Variants in UBE2E3 observed in about 807,000 individuals in gnomAD.
UBE2E3 encodes the protein ubiquitin-conjugating enzyme E2 E3.
UBE2E3 carries 5 observed loss-of-function variants against 23.6 expected under a neutral mutation model. That is an observed-to-expected ratio of 0.21 (90% CI 0.11 to 0.44). The LOEUF (loss-of-function observed/expected upper bound fraction) is 0.44, where lower values mean the gene tolerates loss of function less well. Ranked by LOEUF, UBE2E3 falls within the 20% of genes least tolerant of loss-of-function variation. The pLI is 0.99. For synonymous variants in UBE2E3, 78 were observed against 87.5 expected (o/e 0.89, Z 0.60); for missense variants, 81 against 249.8 (o/e 0.32, Z 4.55).
chr2:181,043,819 G>C (rs1686589424), intron 3 of UBE2E3, among the ~76,000 whole-genome samples: 1 of 152,040 alleles, frequency 6.6e-6, no homozygotes, highest in African/African-American at 2.4e-5. Context: ...AATCTGTCAT[G>C]AATATTTCTC....
intron 3 of UBE2E3, among the ~76,000 whole-genome samples, chr2:181,021,712 A>T (rs978019589): frequency 7.8e-6 from 1 of 127,808 alleles, no homozygotes; most frequent in Non-Finnish European, 1.6e-5. Context: ...TATATCTATT[A>T]ATGTCTGTGG....
chr2:180,984,153 G>T (rs999510537), intron 3 of UBE2E3, 60 bp downstream of exon 3: 3 of 1,455,946 alleles, frequency 2.1e-6, no homozygotes, highest in Non-Finnish European at 2.9e-6. Context: ...AGAGATTGAT[G>T]TATTGTCTGG....
chr2:181,053,090 T>A (rs1297151365), intron 3 of UBE2E3, among the ~76,000 whole-genome samples: 3 of 151,816 alleles, frequency 2.0e-5, no homozygotes, highest in Admixed American at 6.6e-5. Flanking sequence ...CAGAATTTCC[T>A]TATTTTTACA....
In UBE2E3 at chr2:180,980,830, C is replaced by A. The variant is rs1421425134; in HGVS notation, c.-169C>A. On this transcript the variant is annotated 5_prime_UTR_variant, in exon 1 of 6. Transcript: ENST00000410062. The surrounding 1 kb of genome is among the most constrained non-coding windows in gnomAD (Gnocchi z 5.5). ...CCGACTTTCAATGTTCCACACTCCC[C>A]GGCCAGAGCCTCCTCGGCTTCTTTT... 1 of 149,586 alleles carries A rather than the reference C, an allele frequency of 6.7e-6. No homozygotes were observed. The highest frequency in any genetic ancestry group is 2.4e-5 in the African/African-American group (1 of 41,162). The allele number at this position is 149,586 out of a possible 1,614,324, so 9.3% of individuals were successfully genotyped here. A position where few individuals can be genotyped will look rare whatever the true frequency, so the allele number is the denominator to read the frequency against.
intron 1 of UBE2E3, 75 bp from the exon 2 acceptor site, chr2:180,981,943 A>G: frequency 1.8e-6 from 2 of 1,104,528 alleles, no homozygotes; most frequent in South Asian, 3.2e-5. Context: ...ATTTTAGATG[A>G]CTAGAAGAAA....
At chr2:181,051,150 G>A (rs537049030) in intron 3 of UBE2E3, among the ~76,000 whole-genome samples, 3 of 151,742 alleles carry the variant, frequency 2.0e-5, no homozygotes, top group African/African-American at 7.2e-5. Context: ...AACAATATGT[G>A]GGATCTTTTT....
intron 3 of UBE2E3, among the ~76,000 whole-genome samples, chr2:181,022,739 CA>C (rs35485120): frequency 8.2e-5 from 12 of 145,668 alleles, no homozygotes; most frequent in Non-Finnish European, 1.1e-4. Context: ...AAACAAAAAA[CA>C]AAAAAAAAAC....
chr2:180,989,709 G>C (rs552670865), intron 3 of UBE2E3, among the ~76,000 whole-genome samples: 4 of 152,236 alleles, frequency 2.6e-5, no homozygotes, highest in Non-Finnish European at 4.4e-5. Flanking sequence ...GTTCAATGCA[G>C]ATAATGTAAT....
intron 3 of UBE2E3, among the ~76,000 whole-genome samples, chr2:181,002,248 A>G (rs62180116): frequency 0.23 from 35,300 of 152,116 alleles, 4,467 homozygotes; most frequent in Non-Finnish European, 0.28. Flanking sequence ...GTACTAGTAC[A>G]CAATTAACAA....
At chr2:181,034,672 A>G (rs977263525) in intron 3 of UBE2E3, among the ~76,000 whole-genome samples, 3 of 145,406 alleles carry the variant, frequency 2.1e-5, no homozygotes, top group African/African-American at 7.4e-5. Context: ...AACTTAAAGT[A>G]TAATAAAAAA....
intron 3 of UBE2E3, chr2:180,987,218 C>A: frequency 9.3e-7 from 1 of 1,074,566 alleles, no homozygotes; most frequent in Non-Finnish European, 1.3e-6. Context: ...ATTTATACAT[C>A]AATGAGAGTC....
chr2:181,044,362 AATAT>A (rs1686607982), intron 3 of UBE2E3, among the ~76,000 whole-genome samples: 2 of 152,154 alleles, frequency 1.3e-5, no homozygotes, highest in Non-Finnish European at 2.9e-5. Context: ...CTAAGCGATA[AATAT>A]ATATAGTTTG....
chr2:181,058,465 A>G (rs1687045439), intron 4 of UBE2E3, among the ~76,000 whole-genome samples: 1 of 151,722 alleles, frequency 6.6e-6, no homozygotes, highest in East Asian at 2.0e-4. Flanking sequence ...TAAATATAAC[A>G]ATTACTTGAA....
chr2:181,022,303 T>G (rs947341828), intron 3 of UBE2E3, among the ~76,000 whole-genome samples: 10 of 152,120 alleles, frequency 6.6e-5, no homozygotes, highest in Admixed American at 3.9e-4. Flanking sequence ...TATCAAACAT[T>G]TAGAAAAATA....
chr2:181,006,699 T>A (rs1432395998), intron 3 of UBE2E3, among the ~76,000 whole-genome samples: 1 of 152,166 alleles, frequency 6.6e-6, no homozygotes, highest in Non-Finnish European at 1.5e-5. Context: ...AGATTTTTTC[T>A]ATATTTTTAT....
intron 3 of UBE2E3, among the ~76,000 whole-genome samples, chr2:181,023,129 G>GC (rs1204063052): frequency 2.0e-5 from 3 of 152,286 alleles, no homozygotes; most frequent in African/African-American, 7.2e-5. Context: ...TTACAGTGGG[G>GC]CCGCGCCCCA....
chr2:181,049,231 C>T (rs1686756982), intron 3 of UBE2E3, among the ~76,000 whole-genome samples: 2 of 151,970 alleles, frequency 1.3e-5, no homozygotes, highest in South Asian at 4.1e-4. Context: ...ATATAAAAAA[C>T]AAGGGATTTA....
At chr2:181,006,559 A>G (rs1229223184) in intron 3 of UBE2E3, among the ~76,000 whole-genome samples, 1 of 152,122 alleles carries the variant, frequency 6.6e-6, no homozygotes, top group Non-Finnish European at 1.5e-5. Flanking sequence ...CATGTTAAAT[A>G]TTAGGAACAT....
At chr2:181,015,320 T>C (rs906287267) in intron 3 of UBE2E3, among the ~76,000 whole-genome samples, 21 of 152,186 alleles carry the variant, frequency 1.4e-4, no homozygotes, top group Non-Finnish European at 2.2e-4. Context: ...TCACATAGCT[T>C]ATATGTGTTC....
Sources: allele counts gnomAD v4.1 joint callset (sites outside exome capture counted in the v4.1 genomes callset), GRCh38; gene constraint gnomAD v4.1.1; non-coding constraint Gnocchi (gnomAD v3.1); transcripts MANE v1.5; gene names NCBI Gene and HGNC (gene_info 2026-07-23, HGNC 2026-07-21).